SLC5A5: variants seen among roughly 807,000 people sequenced by gnomAD.
SLC5A5 encodes sodium/iodide cotransporter.
A neutral mutation model predicts 68.6 loss-of-function variants in SLC5A5; 56 were observed. That is an observed-to-expected ratio of 0.82 (90% CI 0.66 to 1.02). The LOEUF (loss-of-function observed/expected upper bound fraction) is 1.02, where lower values mean the gene tolerates loss of function less well. SLC5A5 is among the 50% of genes least tolerant of loss of function. SLC5A5 has a pLI of 0.00. For synonymous variants in SLC5A5, 398 were observed against 373.0 expected (o/e 1.07, Z -0.77); for missense variants, 807 against 859.8 (o/e 0.94, Z 0.77).
chr19:17,876,350 C>A (rs1049048406), intron 5 of SLC5A5, among the ~76,000 whole-genome samples: 8 of 150,710 alleles, frequency 5.3e-5, no homozygotes, highest in Non-Finnish European at 1.2e-4. Context: ...TTGCTTGAGC[C>A]CGGTAGGTGG....
rs767646627 is a variant in SLC5A5 at position 17,893,862 on chromosome 19, G to A, written c.1917G>A (p.Gln639=). 1.3e-6 allele frequency: 2 copies of A among 1,569,156 alleles called. No individual in the cohort carries two copies. The highest frequency in any genetic ancestry group is 2.3e-5 in the South Asian group (2 of 86,912). Residue 639 remains glutamine, a synonymous_variant, in exon 15 of 15, where the codon CAG becomes CAA. Transcript: ENST00000222248. ...GACATGATGGTGGTCGAGACCAGCAGGAGACAAACCTCTGAGGACAGGGCC... is the reference window on the plus strand; with the variant it reads ...GACATGATGGTGGTCGAGACCAGCAAGAGACAAACCTCTGAGGACAGGGCC... The part of the protein sequence containing the change: ...CVGHDGGRDQ[Q]ETNL
intron 7 of SLC5A5, among the ~76,000 whole-genome samples, chr19:17,879,268 G>A (rs1353948882): frequency 1.3e-5 from 2 of 152,120 alleles, no homozygotes; most frequent in East Asian, 3.8e-4. Flanking sequence ...ACTCCAGCCT[G>A]GGCAACAAGA....
At chr19:17,880,715 C>A in intron 7 of SLC5A5, 150 bp from the exon 8 acceptor site, 1 of 697,236 alleles carries the variant, frequency 1.4e-6, no homozygotes. Flanking sequence ...CAAAACAAAA[C>A]AAAACCACAG....
chr19:17,890,425 C>T lies in SLC5A5; in HGVS notation c.1652-461C>T, dbSNP rs139130658. ...GTTTTGTTTTAGAAACAGGGTCTCA[C>T]TCTGTCACCAAGCTGGAGTGCAGTG... On this transcript the variant is annotated intron_variant, in intron 13 of 14. Coordinates refer to ENST00000222248, the MANE Select transcript of SLC5A5 (RefSeq NM_000453.3). 4.2e-3 allele frequency among the ~76,000 whole-genome samples: 634 copies of T among 152,166 alleles called. 1 individual carries two copies. Among genetic ancestry groups the T allele is most frequent in the Non-Finnish European group, 4.8e-3 (324 of 68,008 alleles).
rs1447564533 is a variant in SLC5A5, at chr19:17,874,145, A to C, written c.365A>C (p.Glu122Ala). ...LGLTSTYEYL[E>A]MRFSRAVRLC... ...TCGAGTCCCTCCTTGCAGTACCTGG[A>C]GATGCGCTTCAGCCGCGCAGTGCGG... Residue 122 changes from glutamate (E) to alanine (A), a missense_variant, in exon 2 of 15, where the codon GAG becomes GCG. Transcript: ENST00000222248. 6.2e-7 allele frequency: 1 copy of C among 1,611,446 alleles called. No individual in the cohort carries two copies. Among genetic ancestry groups the C allele is most frequent in the Non-Finnish European group, 8.5e-7 (1 of 1,178,062 alleles).
Position 17,880,911 on chromosome 19 carries a change from T to C in SLC5A5, c.1016T>C (p.Val339Ala). 6.2e-7 allele frequency: 1 copy of C among 1,613,790 alleles called. No individual in the cohort carries two copies. Among genetic ancestry groups the C allele is most frequent in the Non-Finnish European group, 8.5e-7 (1 of 1,179,912 alleles). ...VLDIFEDLPG[V>A]PGLFLACAYS... ...GACATCTTCGAAGATCTGCCTGGAG[T>C]CCCCGGGCTTTTCCTGGCCTGTGCT... Residue 339 changes from valine to alanine, a missense_variant, in exon 8 of 15, where the codon GTC (valine) becomes GCC (alanine). Physicochemically the swap from Val to Ala is moderately conservative, Grantham distance 64. Coordinates refer to ENST00000222248, the MANE Select transcript of SLC5A5 (RefSeq NM_000453.3).
chr19:17,886,309 CTTT>C (rs34377658), intron 12 of SLC5A5, among the ~76,000 whole-genome samples: 3 of 128,542 alleles, frequency 2.3e-5, no homozygotes, highest in Non-Finnish European at 3.3e-5. Context: ...AATTCTTTAA[CTTT>C]TTTTTTTTTT....
In SLC5A5 at chr19:17,894,152, T is replaced by TTC. The variant is rs1255676486; in HGVS notation, c.*276_*277insCT. On this transcript the variant is annotated 3_prime_UTR_variant, in exon 15 of 15. Transcript: ENST00000222248. ...GGGTTTTTCTCTCTCTCTTTTTTTTTTTTTTTTTTTTTTGAGACAGGGTCA... is the reference window on the plus strand; with the variant it reads ...GGGTTTTTCTCTCTCTCTTTTTTTTTTCTTTTTTTTTTTTTGAGACAGGGTCA... The TTC allele has an allele frequency of 2.5e-3, 992 of 393,350 alleles. 2 individuals are homozygous for TTC. Among genetic ancestry groups the TTC allele is most frequent in the Middle Eastern group, 5.5e-3 (7 of 1,280 alleles). The allele number at this position is 393,350 out of a possible 1,614,324, so 24.4% of individuals were successfully genotyped here.
Position 17,876,103 on chromosome 19 carries a change from T to G in SLC5A5, c.695T>G (p.Met232Arg). ...LAQNHSRINL[M>R]DFNPDPRSRY... Reference sequence around the variant, plus strand: ...CAGAACCACTCCCGGATCAACCTCATGGAGTGAGTGAAAATGCAGAGGATA... The same window carrying G: ...CAGAACCACTCCCGGATCAACCTCAGGGAGTGAGTGAAAATGCAGAGGATA... Residue 232 changes from methionine to arginine, a missense_variant, in exon 5 of 15, where the codon ATG (methionine) becomes AGG (arginine). By Grantham distance (91) the Met-to-Arg change is moderately conservative. Transcript: ENST00000222248. 6.2e-7 allele frequency: 1 copy of G among 1,613,980 alleles called. No homozygotes were observed. The highest frequency in any genetic ancestry group is 1.7e-5 in the Admixed American group (1 of 59,996).
intron 14 of SLC5A5, among the ~76,000 whole-genome samples, chr19:17,893,401 C>G (rs1014911245): frequency 7.9e-5 from 12 of 152,172 alleles, no homozygotes; most frequent in African/African-American, 2.9e-4. Flanking sequence ...CCGTGCCCGG[C>G]CAGAAATATT....
rs772576178 is a variant in SLC5A5 at position 17,872,651 on chromosome 19, G to A, written c.332G>A (p.Arg111His). ...TALLFMPVFY[R>H]LGLTSTYEYL... Reference sequence around the variant, plus strand: ...CTGCTCTTCATGCCCGTCTTCTACCGCCTGGGCCTCACCAGCACCTACGAG... The same window carrying A: ...CTGCTCTTCATGCCCGTCTTCTACCACCTGGGCCTCACCAGCACCTACGAG... The change falls in exon 1 of 15, where the codon CGC (arginine) becomes CAC (histidine). Residue 111 changes from arginine to histidine, a missense_variant. Coordinates refer to ENST00000222248, the MANE Select transcript of SLC5A5 (RefSeq NM_000453.3). 2 of 1,605,686 alleles carry A rather than the reference G, an allele frequency of 1.2e-6. No individual in the cohort carries two copies. Among genetic ancestry groups the A allele is most frequent in the Non-Finnish European group, 1.7e-6 (2 of 1,175,848 alleles).
rs758616477 is a variant in SLC5A5 at position 17,894,970 on chromosome 19, C to T, written c.*1093C>T. 1.3e-5 allele frequency: 2 copies of T among 152,048 alleles called. No individual in the cohort carries two copies. The highest frequency in any genetic ancestry group is 2.4e-5 in the African/African-American group (1 of 41,384). The allele number at this position is 152,048 out of a possible 1,614,324, so 9.4% of individuals were successfully genotyped here. A position where few individuals can be genotyped will look rare whatever the true frequency, so the allele number is the denominator to read the frequency against. On this transcript the variant is annotated 3_prime_UTR_variant, in exon 15 of 15. Transcript: ENST00000222248. The stretch of plus-strand genomic sequence containing the variant: ...AGAGAAACACATGGGGAAGATGCCA[C>T]GTGAAGACAGAGGCAGTGGTTGGAT...
At chr19:17,875,643 G>T (rs2147731369) in intron 4 of SLC5A5, among the ~76,000 whole-genome samples, 1 of 148,752 alleles carries the variant, frequency 6.7e-6, no homozygotes, top group South Asian at 2.1e-4. Flanking sequence ...GTCGGGCATG[G>T]TGGCACCTGC....
chr19:17,872,218 T>TTCCCCCCCCCCCCCCCCCC lies in SLC5A5; in HGVS notation c.-102_-101insTCCCCCCCCCCCCCCCCCC. The TTCCCCCCCCCCCCCCCCCC allele has an allele frequency of 2.2e-6, 1 of 456,252 alleles. No individual in the cohort carries two copies. 28.3% of individuals were successfully genotyped at this position (456,252 alleles called of 1,614,324 possible). The stretch of plus-strand genomic sequence containing the variant: ...AGCGGGGACAGGCTGCCGAGCATCC[T>TTCCCCCCCCCCCCCCCCCC]CCCACCCGCCCTCCCCGTCCTGCCT... On this transcript the variant is annotated 5_prime_UTR_variant, in exon 1 of 15. Transcript: ENST00000222248.
chr19:17,884,489 C>T (rs1178087643), intron 12 of SLC5A5, among the ~76,000 whole-genome samples: 1 of 151,524 alleles, frequency 6.6e-6, no homozygotes, highest in Non-Finnish European at 1.5e-5. Context: ...GCATTTAGGC[C>T]AGGCAGGCAC....
Position 17,894,141 on chromosome 19 carries a change from C to CAA in SLC5A5, c.*264_*265insAA. The stretch of plus-strand genomic sequence containing the variant: ...CAAATAAGGCTGGGTTTTTCTCTCT[C>CAA]TCTTTTTTTTTTTTTTTTTTTTTTG... On this transcript the variant is annotated 3_prime_UTR_variant, in exon 15 of 15. Transcript: ENST00000222248. 2.6e-6 allele frequency: 1 copy of CAA among 381,576 alleles called. No homozygotes were observed. The highest frequency in any genetic ancestry group is 4.7e-6 in the Non-Finnish European group (1 of 211,340). 23.6% of individuals were successfully genotyped at this position (381,576 alleles called of 1,614,324 possible).
At chr19:17,883,808 G>A (rs774845026) in intron 11 of SLC5A5, 41 bp downstream of exon 11, 4 of 1,603,220 alleles carry the variant, frequency 2.5e-6, no homozygotes, top group South Asian at 2.2e-5. Context: ...GGGCGGGGCC[G>A]GACAGGCCCC....
intron 7 of SLC5A5, among the ~76,000 whole-genome samples, chr19:17,879,172 A>G (rs1420327368): frequency 6.6e-5 from 10 of 151,286 alleles, no homozygotes; most frequent in Admixed American, 6.0e-4. Flanking sequence ...GCATGCCTGT[A>G]ATCCCAGCTA....
rs1407875024 is a variant in SLC5A5, at chr19:17,883,772, G to C, written c.1329+5G>C. The C allele has an allele frequency of 4.3e-6, 7 of 1,612,198 alleles. No individual in the cohort carries two copies. Among genetic ancestry groups the C allele is most frequent in the African/African-American group, 2.7e-5 (2 of 74,840 alleles). On this transcript the variant is annotated splice_donor_5th_base_variant and intron_variant, in intron 11 of 14. Coordinates refer to ENST00000222248, the MANE Select transcript of SLC5A5 (RefSeq NM_000453.3). Reference sequence around the variant, plus strand: ...CTGCCGGCCTGCAACACACCGGTGAGTGGGGGCGGGGCAAGGGGCGGGGAG... The same window carrying C: ...CTGCCGGCCTGCAACACACCGGTGACTGGGGGCGGGGCAAGGGGCGGGGAG...
Sources: allele counts gnomAD v4.1 joint callset (sites outside exome capture counted in the v4.1 genomes callset), GRCh38; gene constraint gnomAD v4.1.1; transcripts MANE v1.5; gene names NCBI Gene and HGNC (gene_info 2026-07-23, HGNC 2026-07-21).